The following LYZL1 variants were observed in gnomAD, a reference collection of about 807,000 sequenced individuals.
The protein encoded by LYZL1 is lysozyme-like protein 1.
Under a neutral mutation model 17.9 loss-of-function variants are expected in LYZL1, and 16 were observed. The ratio of observed to expected loss-of-function variants is 0.90; its 90% CI spans 0.61 to 1.36. LYZL1 has a LOEUF of 1.36. Ranked by LOEUF, LYZL1 falls within the 40% of genes most tolerant of loss-of-function variation. LYZL1 has a pLI of 0.00. For synonymous variants in LYZL1, 58 were observed against 71.8 expected (o/e 0.81, Z 0.97); for missense variants, 149 against 188.4 (o/e 0.79, Z 1.22).
At chr10:29,318,002 T>C (rs1022167699) in intron 4 of LYZL1, 8 of 215,110 alleles carry the variant, frequency 3.7e-5, no homozygotes, top group Non-Finnish European at 6.3e-5. Flanking sequence ...TTGTCTATAA[T>C]TTTGTAATAG....
At chr10:29,310,073 A>C in intron 3 of LYZL1, 37 bp from the exon 4 acceptor site, 1 of 1,482,330 alleles carries the variant, frequency 6.7e-7, no homozygotes. Flanking sequence ...CCAACAACAA[A>C]GTCTCGCCTA....
In LYZL1 at chr10:29,311,169, T is replaced by C; in HGVS notation, c.*110T>C. ...TCCTCCCAATATTCCTTCTCAAACT[T>C]GGAGAGGGAAAATTAAGCTATACTT... On this transcript the variant is annotated 3_prime_UTR_variant, in exon 5 of 5. Transcript: ENST00000649382. 6.2e-7 allele frequency: 1 copy of C among 1,603,418 alleles called. No homozygotes were observed.
exon 4 of LYZL1, chr10:29,317,388 G>A (rs1351916405): frequency 2.0e-5 from 3 of 152,358 alleles, no homozygotes; most frequent in Middle Eastern, 6.8e-3. Flanking sequence ...ATCAAGACTA[G>A]AAGTATGAAA....
chr10:29,294,330 T>C (rs1262424801), intron 3 of LYZL1, among the ~76,000 whole-genome samples: 1 of 152,178 alleles, frequency 6.6e-6, no homozygotes, highest in Non-Finnish European at 1.5e-5. Context: ...TTCAGCAAGA[T>C]CAATCTGCAA....
intron 3 of LYZL1, among the ~76,000 whole-genome samples, chr10:29,307,574 A>T (rs565850710): frequency 1.3e-5 from 2 of 152,372 alleles, no homozygotes; most frequent in African/African-American, 4.8e-5. Flanking sequence ...GCATTAGCCA[A>T]TACAGCTCTC....
In LYZL1 at chr10:29,308,974, G is replaced by A. The variant is rs529470171; in HGVS notation, c.299-1136G>A. On this transcript the variant is annotated intron_variant, in intron 3 of 4. Transcript: ENST00000649382. ...AGTGAGATCCTGTTTCAGAAAAAAG[G>A]AAAAGTAATAAAGATAGAGATAGAC... Among the ~76,000 whole-genome samples, 13 of 149,218 alleles carry A rather than the reference G, an allele frequency of 8.7e-5. 1 individual carries two copies. In the East Asian group the frequency reaches 2.6e-3, roughly 30 times the overall value.
At chr10:29,300,340 C>CA (rs1178326396) in intron 3 of LYZL1, among the ~76,000 whole-genome samples, 1 of 152,098 alleles carries the variant, frequency 6.6e-6, no homozygotes, top group Admixed American at 6.5e-5. Flanking sequence ...CAATAGGCAT[C>CA]ATTATCGTAT....
In LYZL1 at chr10:29,310,603, T is replaced by C. The variant is rs186485897; in HGVS notation, c.378-387T>C. Among the ~76,000 whole-genome samples the C allele has an allele frequency of 2.6e-4, 39 of 152,052 alleles. No individual in the cohort carries two copies. The East Asian group carries it at 6.4e-3, about 25-fold the overall frequency. ...AGAATGAGCAGCAGCAAGAGGAAAG[T>C]GAGCAGGTCTGTGTCATGGCGACTC... On this transcript the variant is annotated intron_variant, in intron 4 of 4. Coordinates refer to ENST00000649382, the MANE Select transcript of LYZL1 (RefSeq NM_032517.6).
At chr10:29,292,366 G>A (rs867642726) in intron 2 of LYZL1, among the ~76,000 whole-genome samples, 153 bp from the exon 3 acceptor site, 15 of 152,156 alleles carry the variant, frequency 9.9e-5, no homozygotes, top group Middle Eastern at 3.4e-3. Flanking sequence ...TGTGCCCCTC[G>A]TGTGCCCCCT....
At chr10:29,291,111 A>G (rs1245150307) in intron 1 of LYZL1, among the ~76,000 whole-genome samples, 1 of 152,090 alleles carries the variant, frequency 6.6e-6, no homozygotes, top group Non-Finnish European at 1.5e-5. Flanking sequence ...TCTGCATGTA[A>G]CTTTTGACTC....
chr10:29,299,384 G>T (rs183217523), intron 3 of LYZL1, among the ~76,000 whole-genome samples: 34 of 148,844 alleles, frequency 2.3e-4, no homozygotes, highest in African/African-American at 8.2e-4. Flanking sequence ...TGTGTCTTAT[G>T]ATGAATATGC....
chr10:29,296,284 A>T (rs1453030816), intron 3 of LYZL1, among the ~76,000 whole-genome samples: 1 of 152,230 alleles, frequency 6.6e-6, no homozygotes, highest in East Asian at 1.9e-4. Context: ...TGACTAACTT[A>T]GTGATTAAAG....
intron 3 of LYZL1, among the ~76,000 whole-genome samples, chr10:29,300,385 T>C (rs1308983277): frequency 1.3e-5 from 2 of 152,228 alleles, no homozygotes; most frequent in South Asian, 2.1e-4. Flanking sequence ...CCACTTCATA[T>C]ATAACATATG....
Position 29,291,831 on chromosome 10 carries a change from G to C in LYZL1, c.-25-12G>C. On this transcript the variant is annotated splice_polypyrimidine_tract_variant and intron_variant, in intron 1 of 4. Transcript: ENST00000649382. ...CCAAGATCGTCTGACCTGTTCTCCG[G>C]CTCTTTGGCAGGTTCTGTCTCCGGC... The C allele has an allele frequency of 6.5e-7, 1 of 1,549,718 alleles. No individual in the cohort carries two copies. Among genetic ancestry groups the C allele is most frequent in the East Asian group, 2.2e-5 (1 of 44,690 alleles).
At chr10:29,312,255 T>A (rs1835682175), downstream of LYZL1, among the ~76,000 whole-genome samples, 1 of 152,220 alleles carries the variant, frequency 6.6e-6, no homozygotes, top group Non-Finnish European at 1.5e-5. Flanking sequence ...GAGTTCCCCA[T>A]GTTATTCCAC....
intron 3 of LYZL1, among the ~76,000 whole-genome samples, chr10:29,296,585 A>G (rs1218297328): frequency 6.6e-6 from 1 of 152,208 alleles, no homozygotes; most frequent in Admixed American, 6.5e-5. Context: ...TGAGACCTCA[A>G]CAATCTTTGA....
At chr10:29,293,536 C>T (rs1835405753) in intron 3 of LYZL1, among the ~76,000 whole-genome samples, 1 of 152,120 alleles carries the variant, frequency 6.6e-6, no homozygotes, top group Non-Finnish European at 1.5e-5. Flanking sequence ...TTGAGGATAA[C>T]AAAATACATC....
chr10:29,308,895 G>T (rs1238324050), intron 3 of LYZL1, among the ~76,000 whole-genome samples: 5 of 152,178 alleles, frequency 3.3e-5, no homozygotes, highest in African/African-American at 1.2e-4. Flanking sequence ...AGCCCAGGAG[G>T]TTGAGACTGC....
In LYZL1 at chr10:29,291,866, G is replaced by A. The variant is rs1835371076; in HGVS notation, c.-2G>A. 15 of 1,568,916 alleles carry A rather than the reference G, an allele frequency of 9.6e-6. No homozygotes were observed. Among genetic ancestry groups the A allele is most frequent in the African/African-American group, 1.4e-5 (1 of 73,134 alleles). On this transcript the variant is annotated 5_prime_UTR_variant, in exon 2 of 5. Transcript: ENST00000649382. Reference sequence around the variant, plus strand: ...AGGTTCTGTCTCCGGCAGGCTTTGAGGATGAAGGCTGCGGGCATTCTGACC... The same window carrying A: ...AGGTTCTGTCTCCGGCAGGCTTTGAAGATGAAGGCTGCGGGCATTCTGACC...
Sources: allele counts gnomAD v4.1 joint callset (sites outside exome capture counted in the v4.1 genomes callset), GRCh38; gene constraint gnomAD v4.1.1; transcripts MANE v1.5; gene names NCBI Gene and HGNC (gene_info 2026-07-23, HGNC 2026-07-21).